PARPBP: variants seen among roughly 807,000 people sequenced by gnomAD.
PARPBP encodes the protein PCNA-interacting partner.
Under a neutral mutation model 50.0 loss-of-function variants are expected in PARPBP, and 52 were observed. The observed-to-expected ratio is 1.04, with a 90% CI of 0.83 to 1.31. The LOEUF (loss-of-function observed/expected upper bound fraction) is 1.31. Ranked by LOEUF, PARPBP falls within the 50% of genes most tolerant of loss-of-function variation. The probability of loss-of-function intolerance (pLI) is 0.00; values close to 1 mark genes in which losing one functional copy is unlikely to be tolerated. For missense variants in PARPBP, 697 were observed against 672.0 expected (o/e 1.04, Z -0.41); for synonymous variants, 244 against 232.1 (o/e 1.05, Z -0.47).
intron 2 of PARPBP, among the ~76,000 whole-genome samples, chr12:102,134,381 A>G (rs935552234): frequency 6.6e-6 from 1 of 152,208 alleles, no homozygotes; most frequent in Non-Finnish European, 1.5e-5. Flanking sequence ...CTTGACACGT[A>G]CTATCTACCA....
intron 6 of PARPBP, 101 bp from the exon 7 acceptor site, chr12:102,175,382 A>T (rs1401871925): frequency 2.8e-6 from 2 of 713,644 alleles, no homozygotes; most frequent in African/African-American, 3.6e-5. Context: ...TCAAAGCTAT[A>T]TTCTTTGAAA....
intron 3 of PARPBP, among the ~76,000 whole-genome samples, chr12:102,151,311 C>T (rs1030302252): frequency 6.6e-6 from 1 of 152,122 alleles, no homozygotes; most frequent in South Asian, 2.1e-4. Context: ...ATGCTGGGCT[C>T]TCTGGGATGG....
At chr12:102,165,351 C>T (rs1018862679) in intron 5 of PARPBP, among the ~76,000 whole-genome samples, 2 of 152,124 alleles carry the variant, frequency 1.3e-5, no homozygotes, top group African/African-American at 2.4e-5. Flanking sequence ...GATCAGCTGA[C>T]GCTAAAAATT....
rs1476078138 is a variant in PARPBP, at chr12:102,153,930, C to G, written c.449C>G (p.Ser150Cys). ...QYAVGDETDLSIPTSPTSKYN... is the reference protein window; with the variant it reads ...QYAVGDETDLCIPTSPTSKYN... ...GCAGTAGGTGATGAAACTGATCTTT[C>G]TATACCAACATCACCAACAAGTAAA... The change falls in exon 4 of 11, where the codon TCT becomes TGT. Residue 150 changes from serine (S) to cysteine (C), a missense_variant. Ser to Cys is a moderately radical substitution (Grantham distance 112). Transcript: ENST00000327680. 6.2e-6 allele frequency: 10 copies of G among 1,610,548 alleles called. No homozygotes were observed. The Admixed American group carries it at 1.7e-4, about 27-fold the overall frequency.
intron 7 of PARPBP, among the ~76,000 whole-genome samples, chr12:102,175,957 T>C (rs992299185): frequency 6.6e-6 from 1 of 152,030 alleles, no homozygotes; most frequent in African/African-American, 2.4e-5. Context: ...GATATTAAGG[T>C]GTTTTATGCT....
In PARPBP at chr12:102,148,324, A is replaced by T; in HGVS notation, c.248A>T (p.Asp83Val). The change falls in exon 3 of 11, where the codon GAC becomes GTC. Residue 83 changes from aspartate to valine, a missense_variant. Transcript: ENST00000327680. ...EKLNLPVENM[D>V]VTDHYEDVRK... ...TTGAACTTACCAGTTGAAAACATGG[A>T]CGTGACTGACCATTATGAGGACGTT... 6.2e-7 allele frequency: 1 copy of T among 1,601,606 alleles called. No individual in the cohort carries two copies. Among genetic ancestry groups the T allele is most frequent in the Non-Finnish European group, 8.6e-7 (1 of 1,169,080 alleles).
chr12:102,179,946 T>C (rs778877864), intron 8 of PARPBP, among the ~76,000 whole-genome samples: 1 of 152,212 alleles, frequency 6.6e-6, no homozygotes. Flanking sequence ...AGCTATTTTA[T>C]TGAAATCTGG....
intron 1 of PARPBP, 55 bp from the exon 2 acceptor site, chr12:102,123,831 G>C: frequency 8.0e-7 from 1 of 1,251,626 alleles, no homozygotes; most frequent in South Asian, 1.3e-5. Context: ...CATGTTAAAT[G>C]TTAATTTCAG....
chr12:102,182,354 G>A (rs1889905013), intron 8 of PARPBP, among the ~76,000 whole-genome samples, 195 bp from the exon 9 acceptor site: 1 of 152,116 alleles, frequency 6.6e-6, no homozygotes, highest in Non-Finnish European at 1.5e-5. Context: ...ATGATGTTCG[G>A]TGGATTGGGT....
rs1565911626 is a variant in PARPBP at position 102,196,814 on chromosome 12, A to G, written c.*523A>G. ...CTAATTCTGAGTAAACCAAAATGAT[A>G]ATAATTAATTGTTGCTATTTAATCC... is the stretch of plus-strand genomic sequence containing the variant. On this transcript the variant is annotated 3_prime_UTR_variant, in exon 11 of 11. Coordinates refer to ENST00000327680, the MANE Select transcript of PARPBP (RefSeq NM_017915.5). 2.8e-6 allele frequency: 3 copies of G among 1,060,376 alleles called. No homozygotes were observed. Among genetic ancestry groups the G allele is most frequent in the Non-Finnish European group, 2.9e-6 (2 of 699,732 alleles). 65.7% of individuals were successfully genotyped at this position (1,060,376 alleles called of 1,614,324 possible).
At position 102,148,222 on chromosome 12, in the gene PARPBP, T is replaced by A; in HGVS notation, c.154-8T>A. 1 of 1,286,240 alleles carries A rather than the reference T, an allele frequency of 7.8e-7. No homozygotes were observed. The highest frequency in any genetic ancestry group is 1.1e-6 in the Non-Finnish European group (1 of 924,454). 79.7% of individuals were successfully genotyped at this position (1,286,240 alleles called of 1,614,324 possible). A position where few individuals can be genotyped will look rare whatever the true frequency, so the allele number is the denominator to read the frequency against. On this transcript the variant is annotated splice_region_variant and splice_polypyrimidine_tract_variant and intron_variant, in intron 2 of 10. Coordinates refer to ENST00000327680, the MANE Select transcript of PARPBP (RefSeq NM_017915.5). Reference sequence around the variant, plus strand: ...TATTTTTTTTTTTTTTGGCATTATCTTTTTCAGCACAGTGGAGAATTTACA... The same window carrying A: ...TATTTTTTTTTTTTTTGGCATTATCATTTTCAGCACAGTGGAGAATTTACA...
At chr12:102,149,911 A>G (rs1885958088) in intron 3 of PARPBP, among the ~76,000 whole-genome samples, 1 of 152,174 alleles carries the variant, frequency 6.6e-6, no homozygotes, top group Admixed American at 6.5e-5. Flanking sequence ...CACATAGTTG[A>G]TTTAGAGAGG....
chr12:102,182,604 T>A lies in PARPBP; in HGVS notation c.1240T>A (p.Ser414Thr). ...IKPLRERICV[S>T]MQEKKIKMKQ... is the part of the protein sequence containing the mutation. ...ACCCCTAAGAGAACGCATCTGTGTG[T>A]CAATGCAAGAGAAAAAAATTAAGGT... The change falls in exon 9 of 11, where the codon TCA becomes ACA. Residue 414 changes from serine (S) to threonine (T), a missense_variant. Coordinates refer to ENST00000327680, the MANE Select transcript of PARPBP (RefSeq NM_017915.5). 1 of 1,610,840 alleles carries A rather than the reference T, an allele frequency of 6.2e-7. No individual in the cohort carries two copies. The highest frequency in any genetic ancestry group is 8.5e-7 in the Non-Finnish European group (1 of 1,177,712).
At chr12:102,134,877 C>T (rs1565856191) in intron 2 of PARPBP, among the ~76,000 whole-genome samples, 1 of 152,106 alleles carries the variant, frequency 6.6e-6, no homozygotes, top group Non-Finnish European at 1.5e-5. Flanking sequence ...AGGGTTTCTC[C>T]ATGTTGCCCA....
Position 102,132,179 on chromosome 12 carries a change from T to C in PARPBP, c.153+8138T>C, listed in dbSNP as rs191043160. 7.0e-3 allele frequency among the ~76,000 whole-genome samples: 1,033 copies of C among 148,538 alleles called. 4 individuals carry two copies. The highest frequency in any genetic ancestry group is 9.9e-3 in the Non-Finnish European group (665 of 67,496). On this transcript the variant is annotated intron_variant, in intron 2 of 10. Transcript: ENST00000327680. ...GAAGTCACGCCATTGCGTTCCAGTC[T>C]GGGGGATAGCGACAGAGCGAGACCC...
intron 10 of PARPBP, 35 bp from the exon 11 acceptor site, chr12:102,195,916 T>C (rs1362341840): frequency 7.5e-7 from 1 of 1,329,644 alleles, no homozygotes; most frequent in African/African-American, 1.5e-5. Context: ...CTCAATATCA[T>C]GTAATTCCTT....
At chr12:102,180,450 C>G (rs1027738128) in intron 8 of PARPBP, among the ~76,000 whole-genome samples, 8 of 152,078 alleles carry the variant, frequency 5.3e-5, no homozygotes, top group Non-Finnish European at 8.8e-5. Context: ...TGCTAATAAT[C>G]CCGGAGCTTT....
Position 102,153,947 on chromosome 12 carries a change from A to G in PARPBP, c.466A>G (p.Thr156Ala), listed in dbSNP as rs751074692. Residue 156 changes from threonine (T) to alanine (A), a missense_variant, in exon 4 of 11, where the codon ACA becomes GCA. Coordinates refer to ENST00000327680, the MANE Select transcript of PARPBP (RefSeq NM_017915.5). The part of the protein sequence containing the change: ...ETDLSIPTSP[T>A]SKYNRDNEKV... ...TGATCTTTCTATACCAACATCACCA[A>G]CAAGTAAATACAACCGTGATAATGA... is the stretch of plus-strand genomic sequence containing the variant. 11 of 1,594,776 alleles carry G rather than the reference A, an allele frequency of 6.9e-6. No individual in the cohort carries two copies. The highest frequency in any genetic ancestry group is 8.6e-6 in the Non-Finnish European group (10 of 1,162,634).
intron 1 of PARPBP, among the ~76,000 whole-genome samples, chr12:102,121,216 A>G (rs1241947444): frequency 6.6e-6 from 1 of 152,202 alleles, no homozygotes; most frequent in Admixed American, 6.5e-5. Flanking sequence ...GGGGTTGGCA[A>G]ACTGGCTGTG....
Sources: gnomAD v4.1 joint callset for allele counts (sites outside exome capture counted in the v4.1 genomes callset) on GRCh38, gnomAD v4.1.1 for gene constraint, MANE v1.5 for transcripts, NCBI Gene and HGNC (gene_info 2026-07-23, HGNC 2026-07-21) for gene names.